The following EPHB1 variants were observed in gnomAD, a reference collection of about 807,000 sequenced individuals.
EPHB1 encodes the protein EPH receptor B1.
EPHB1 carries 30 observed loss-of-function variants against 94.4 expected under a neutral mutation model. The observed-to-expected ratio is 0.32, with a 90% CI of 0.24 to 0.43. EPHB1 has a LOEUF of 0.43. Among genes scored for constraint, EPHB1 ranks in the 20% least tolerant of loss-of-function variants. The pLI, the probability that EPHB1 is intolerant of heterozygous loss-of-function variation, is 1.00. For missense variants in EPHB1, 1,055 were observed against 1,308.3 expected (o/e 0.81, Z 2.99); for synonymous variants, 522 against 489.1 (o/e 1.07, Z -0.89).
chr3:134,805,838 G>A (rs528407348), intron 1 of EPHB1, among the ~76,000 whole-genome samples: 1 of 152,134 alleles, frequency 6.6e-6, no homozygotes, highest in Non-Finnish European at 1.5e-5. Flanking sequence ...ACTCGATTGG[G>A]TTGCCCTCTG....
chr3:134,883,520 T>C (rs2037804129), intron 1 of EPHB1, among the ~76,000 whole-genome samples: 2 of 152,224 alleles, frequency 1.3e-5, no homozygotes, highest in South Asian at 4.1e-4. Context: ...CCTTGTGTTT[T>C]AAAATTCTAA....
chr3:135,100,607 CACTT>C (rs1230325328), intron 3 of EPHB1, among the ~76,000 whole-genome samples: 1 of 152,166 alleles, frequency 6.6e-6, no homozygotes, highest in Non-Finnish European at 1.5e-5. Flanking sequence ...GTTTATGAGA[CACTT>C]AATCTGTTTC....
At chr3:135,053,775 T>A (rs1273930740) in intron 3 of EPHB1, among the ~76,000 whole-genome samples, 1 of 152,014 alleles carries the variant, frequency 6.6e-6, no homozygotes, top group African/African-American at 2.4e-5. Context: ...CCACTTGAGG[T>A]CAGAAGTTTG....
intron 1 of EPHB1, among the ~76,000 whole-genome samples, chr3:134,804,930 A>G (rs1474037354): frequency 1.3e-5 from 2 of 152,256 alleles, no homozygotes; most frequent in Non-Finnish European, 2.9e-5. Flanking sequence ...AGGATGAGGA[A>G]TAATTGCAGG....
In EPHB1 at chr3:134,889,903, C is replaced by T. The variant is rs373740382; in HGVS notation, c.59-35913C>T. 3.3e-5 allele frequency among the ~76,000 whole-genome samples: 5 copies of T among 152,160 alleles called. No individual in the cohort carries two copies. The East Asian group carries it at 5.8e-4, about 18-fold the overall frequency. The stretch of plus-strand genomic sequence containing the variant: ...CCGTGTTAGCCAGGATGGTCTCAAT[C>T]TCCTGACCTCGTGATCCTCCCACCT... On this transcript the variant is annotated intron_variant, in intron 1 of 15. Transcript: ENST00000398015.
intron 1 of EPHB1, among the ~76,000 whole-genome samples, chr3:134,835,532 A>G (rs1377317849): frequency 6.6e-6 from 1 of 152,134 alleles, no homozygotes; most frequent in Non-Finnish European, 1.5e-5. Flanking sequence ...TCCCCCAGTT[A>G]TAGGTAAGGA....
intron 9 of EPHB1, among the ~76,000 whole-genome samples, chr3:135,178,930 A>T (rs1312388972): frequency 6.6e-6 from 1 of 152,174 alleles, no homozygotes; most frequent in East Asian, 1.9e-4. Context: ...CACCATGTAA[A>T]CAATTCCTGT....
chr3:135,178,515 T>C lies in EPHB1; in HGVS notation c.1760-1345T>C, dbSNP rs945723004. ...TGGTTTGCTGTATCTTCTGTCTTCC[T>C]TTGGATTACACTCTAGTCTAATTTC... On this transcript the variant is annotated intron_variant, in intron 9 of 15. Transcript: ENST00000398015. Among the ~76,000 whole-genome samples, 95 of 152,062 alleles carry C rather than the reference T, an allele frequency of 6.2e-4. 1 individual carries two copies. The highest frequency in any genetic ancestry group is 2.2e-3 in the African/African-American group (91 of 41,466).
intron 5 of EPHB1, among the ~76,000 whole-genome samples, chr3:135,134,231 G>C (rs1335025512): frequency 6.6e-6 from 1 of 152,204 alleles, no homozygotes; most frequent in East Asian, 1.9e-4. Flanking sequence ...CTTGTTAGTA[G>C]AATAGCAGGA....
intron 3 of EPHB1, among the ~76,000 whole-genome samples, chr3:134,968,224 T>A (rs1391743613): frequency 1.3e-5 from 2 of 152,212 alleles, no homozygotes; most frequent in Non-Finnish European, 2.9e-5. Context: ...AGAATCTGCA[T>A]GTGTAGAGCT....
intron 5 of EPHB1, among the ~76,000 whole-genome samples, chr3:135,138,366 C>T (rs1940696468): frequency 1.3e-5 from 2 of 152,212 alleles, no homozygotes; most frequent in African/African-American, 4.8e-5. Flanking sequence ...CCTAGCCCAT[C>T]AATTCCTCTG....
chr3:134,894,444 GGTT>G (rs1304003548), intron 1 of EPHB1, among the ~76,000 whole-genome samples: 1 of 152,184 alleles, frequency 6.6e-6, no homozygotes, highest in African/African-American at 2.4e-5. Context: ...CCTTCTAAGA[GGTT>G]GTTTAAACCT....
At chr3:134,840,040 ATC>A (rs2036747901) in intron 1 of EPHB1, among the ~76,000 whole-genome samples, 2 of 151,944 alleles carry the variant, frequency 1.3e-5, no homozygotes, top group African/African-American at 4.8e-5. Flanking sequence ...CTGGTAAGAA[ATC>A]TCTTTTTTTC....
chr3:135,192,166 C>A (rs1200664860), intron 10 of EPHB1, among the ~76,000 whole-genome samples: 1 of 152,334 alleles, frequency 6.6e-6, no homozygotes, highest in East Asian at 1.9e-4. Flanking sequence ...GCCAAAGTAC[C>A]TGAACATGTC....
chr3:134,953,412 G>A (rs1933116426), intron 3 of EPHB1, among the ~76,000 whole-genome samples: 1 of 152,250 alleles, frequency 6.6e-6, no homozygotes, highest in Admixed American at 6.5e-5. Context: ...AAACAAAGGA[G>A]AGAGAGTGCC....
intron 1 of EPHB1, among the ~76,000 whole-genome samples, chr3:134,873,724 T>TG (rs1255637850): frequency 2.6e-5 from 4 of 152,120 alleles, no homozygotes; most frequent in African/African-American, 7.2e-5. Flanking sequence ...TGTTAGCAGG[T>TG]GGGGTCAGAT....
At chr3:135,126,064 T>C (rs1283800100) in intron 4 of EPHB1, among the ~76,000 whole-genome samples, 1 of 152,178 alleles carries the variant, frequency 6.6e-6, no homozygotes, top group Non-Finnish European at 1.5e-5. Flanking sequence ...CATGCTACTT[T>C]CCCAGTCACT....
At chr3:135,062,103 T>C (rs1195448204) in intron 3 of EPHB1, among the ~76,000 whole-genome samples, 1 of 152,256 alleles carries the variant, frequency 6.6e-6, no homozygotes, top group Non-Finnish European at 1.5e-5. Flanking sequence ...GATGGGCATT[T>C]GGGCTGGTTC....
chr3:134,897,561 C>T (rs551785936), intron 1 of EPHB1, among the ~76,000 whole-genome samples: 6 of 152,316 alleles, frequency 3.9e-5, no homozygotes, highest in South Asian at 4.1e-4. Flanking sequence ...GGCCACAGCT[C>T]ATCCACAACT....
Sources: allele counts gnomAD v4.1 joint callset (sites outside exome capture counted in the v4.1 genomes callset), GRCh38; gene constraint gnomAD v4.1.1; transcripts MANE v1.5; gene names NCBI Gene and HGNC (gene_info 2026-07-23, HGNC 2026-07-21).